Variants in ADCY7 observed in about 807,000 individuals in gnomAD.
The protein encoded by ADCY7 is adenylate cyclase type 7.
A neutral mutation model predicts 120.6 loss-of-function variants in ADCY7; 72 were observed. The ratio of observed to expected loss-of-function variants is 0.60; its 90% CI spans 0.49 to 0.73. The LOEUF (loss-of-function observed/expected upper bound fraction) is 0.73. Ranked by LOEUF, ADCY7 falls within the 30% of genes least tolerant of loss-of-function variation. The pLI, the probability that ADCY7 is intolerant of heterozygous loss-of-function variation, is 0.00. For missense variants in ADCY7, 1,227 were observed against 1,486.0 expected (o/e 0.83, Z 2.87); for synonymous variants, 661 against 628.0 (o/e 1.05, Z -0.78).
At position 50,304,339 on chromosome 16, in the gene ADCY7, C is replaced by T. The variant is rs762154964; in HGVS notation, c.1369-21C>T. 14 of 1,473,608 alleles carry T rather than the reference C, an allele frequency of 9.5e-6. No individual in the cohort carries two copies. The South Asian group carries it at 1.8e-4, about 19-fold the overall frequency. The allele number at this position is 1,473,608 out of a possible 1,614,324, so 91.3% of individuals were successfully genotyped here. ...GAGAGGGGAGGAGGTGGCACAGGCC[C>T]ATGTCCATGTCTGCCCGCAGAGCCA... On this transcript the variant is annotated intron_variant, in intron 10 of 25. Transcript: ENST00000673801.
upstream of ADCY7, among the ~76,000 whole-genome samples, chr16:50,261,997 G>T (rs889387056): frequency 8.5e-5 from 13 of 152,216 alleles, no homozygotes; most frequent in Non-Finnish European, 1.3e-4. Flanking sequence ...TGGGTGCTGG[G>T]GCTTTCCTTC....
intron 23 of ADCY7, 53 bp from the exon 24 acceptor site, chr16:50,314,239 T>G (rs2151103136): frequency 3.9e-6 from 6 of 1,542,626 alleles, no homozygotes; most frequent in South Asian, 2.2e-5. Flanking sequence ...CAGGGCCCAC[T>G]AGGTCTGGGG....
rs2151122152 is a variant in ADCY7, at chr16:50,317,929, T to C, written c.*2424T>C. Reference sequence around the variant, plus strand: ...ACAAACAAACAAACAGAAGAGAAGATCATTAACCACTGTATACTTTGTGTA... The same window carrying C: ...ACAAACAAACAAACAGAAGAGAAGACCATTAACCACTGTATACTTTGTGTA... On this transcript the variant is annotated 3_prime_UTR_variant, in exon 26 of 26. Transcript: ENST00000673801. The C allele has an allele frequency of 6.6e-6, 1 of 152,350 alleles. No homozygotes were observed. The highest frequency in any genetic ancestry group is 1.9e-4 in the East Asian group (1 of 5,316). The allele number at this position is 152,350 out of a possible 1,614,324, so 9.4% of individuals were successfully genotyped here.
At chr16:50,246,633 G>A (rs1038917647) in intron 1 of ADCY7, among the ~76,000 whole-genome samples, 2 of 152,202 alleles carry the variant, frequency 1.3e-5, no homozygotes, top group African/African-American at 4.8e-5. Flanking sequence ...CTCTGTGGGC[G>A]CAGGACCGGG....
chr16:50,314,776 G>C (rs1168312577), intron 24 of ADCY7: 2 of 519,340 alleles, frequency 3.9e-6, no homozygotes, highest in South Asian at 3.0e-5. Context: ...GAGATTAGCA[G>C]ATACAAGTGT....
At position 50,313,964 on chromosome 16, in the gene ADCY7, C is replaced by A; in HGVS notation, c.2758C>A (p.Leu920Met). Residue 920 changes from leucine to methionine, a missense_variant, in exon 23 of 26, where the codon CTG (leucine) becomes ATG (methionine). Physicochemically the swap from Leu to Met is conservative, Grantham distance 15. Around this residue, in one of 5 missense-constraint regions of ADCY7, gnomAD observed 244 missense variants for 332.8 expected, o/e 0.73. Transcript: ENST00000673801. ...EIIADFDELL[L>M]KPKFSGVEKI... The stretch of plus-strand genomic sequence containing the variant: ...GCTTCCTTCTTGCCTGCAGCTCCTA[C>A]TGAAGCCCAAGTTCAGCGGCGTGGA... 6.2e-7 allele frequency: 1 copy of A among 1,613,546 alleles called. No homozygotes were observed. Among genetic ancestry groups the A allele is most frequent in the South Asian group, 1.1e-5 (1 of 91,018 alleles).
intron 1 of ADCY7, among the ~76,000 whole-genome samples, chr16:50,260,864 C>T (rs1430570630): frequency 2.0e-5 from 3 of 152,196 alleles, no homozygotes; most frequent in Non-Finnish European, 4.4e-5. Flanking sequence ...TGAGTGGAAG[C>T]TTCTGAGATC....
rs190808623 is a variant in ADCY7 at position 50,294,894 on chromosome 16, G to A, written c.948+143G>A. ...TAGCATCCAGCCAGCAAACACAAGC[G>A]CCCCATGGTAAAGGTGGGGGTGAGT... On this transcript the variant is annotated intron_variant, in intron 7 of 25. Transcript: ENST00000673801. 46 of 614,174 alleles carry A rather than the reference G, an allele frequency of 7.5e-5. No individual in the cohort carries two copies. The East Asian group carries it at 9.6e-4, about 13-fold the overall frequency. 38.0% of individuals were successfully genotyped at this position (614,174 alleles called of 1,614,324 possible).
At position 50,293,405 on chromosome 16, in the gene ADCY7, C is replaced by A; in HGVS notation, c.739C>A (p.Leu247Met). Residue 247 changes from leucine (L) to methionine (M), a missense_variant, in exon 6 of 26, where the codon CTG (leucine) becomes ATG (methionine). Leu to Met is a conservative substitution (Grantham distance 15). Transcript: ENST00000673801. Reference sequence around the variant, plus strand: ...GGCCCACATCTCCATGGGCATGAAGCTGGCCATCATCGAACGGCTCAAGGA... The same window carrying A: ...GGCCCACATCTCCATGGGCATGAAGATGGCCATCATCGAACGGCTCAAGGA... ...LPAHISMGMKLAIIERLKEHG... is the reference protein window; with the variant it reads ...LPAHISMGMKMAIIERLKEHG... 6.2e-7 allele frequency: 1 copy of A among 1,614,036 alleles called. No individual in the cohort carries two copies. Among genetic ancestry groups the A allele is most frequent in the South Asian group, 1.1e-5 (1 of 91,088 alleles).
intron 7 of ADCY7, among the ~76,000 whole-genome samples, chr16:50,296,033 T>C (rs1215348098): frequency 1.3e-5 from 2 of 152,172 alleles, no homozygotes; most frequent in Non-Finnish European, 1.5e-5. Flanking sequence ...CCAGTGCCCA[T>C]GTCCACACCC....
At chr16:50,265,267 A>C (rs556398313), upstream of ADCY7, among the ~76,000 whole-genome samples, 5 of 152,182 alleles carry the variant, frequency 3.3e-5, no homozygotes, top group South Asian at 1.0e-3. Context: ...GCTCTGGGAC[A>C]TTTGCTAGGG....
chr16:50,250,874 G>T (rs1208103087), intron 1 of ADCY7, among the ~76,000 whole-genome samples: 1 of 152,162 alleles, frequency 6.6e-6, no homozygotes, highest in Non-Finnish European at 1.5e-5. Flanking sequence ...GGATTAAAAA[G>T]TATAGAATTC....
chr16:50,317,614 G>GATA lies in ADCY7; in HGVS notation c.*2116_*2118dup, dbSNP rs1296029883. The GATA allele has an allele frequency of 2.0e-5, 3 of 152,406 alleles. No homozygotes were observed. The East Asian group carries it at 5.6e-4, about 29-fold the overall frequency. The allele number at this position is 152,406 out of a possible 1,614,324, so 9.4% of individuals were successfully genotyped here. On this transcript the variant is annotated 3_prime_UTR_variant, in exon 26 of 26. Transcript: ENST00000673801. Reference sequence around the variant, plus strand: ...AAAGCAAAGCACTGTGCTGTGCTCAGATAATAATAGTTTGTAAGTAAAAGT... The same window carrying GATA: ...AAAGCAAAGCACTGTGCTGTGCTCAGATAATAATAATAGTTTGTAAGTAAAAGT...
intron 1 of ADCY7, among the ~76,000 whole-genome samples, chr16:50,254,876 C>T (rs931727953): frequency 4.9e-5 from 7 of 141,704 alleles, no homozygotes; most frequent in Admixed American, 1.5e-4. Context: ...CACAAAAGAC[C>T]CCAAATAGCT....
rs532118501 is a variant in ADCY7 at position 50,310,901 on chromosome 16, G to A, written c.2354+21G>A. 29 of 1,560,466 alleles carry A rather than the reference G, an allele frequency of 1.9e-5. No individual in the cohort carries two copies. In the African/African-American group the frequency reaches 2.3e-4, roughly 12 times the overall value. ...ACCAGGTGGGGTCCCGCCCGTCCCC[G>A]TCCCCATCCCCATGGTGGCCTGTTC... On this transcript the variant is annotated intron_variant, in intron 19 of 25. Transcript: ENST00000673801.
rs139027886 is a variant in ADCY7 at position 50,304,431 on chromosome 16, G to A, written c.1440G>A (p.Ala480=). 1.5e-5 allele frequency: 24 copies of A among 1,605,592 alleles called. No individual in the cohort carries two copies. Among genetic ancestry groups the A allele is most frequent in the Non-Finnish European group, 2.0e-5 (23 of 1,175,954 alleles). Residue 480 remains alanine (A), a synonymous_variant, in exon 11 of 26, where the codon GCG becomes GCA. Coordinates refer to ENST00000673801, the MANE Select transcript of ADCY7 (RefSeq NM_001114.5). ...GGGACGCGGCCCTGAAGATGCGGGC[G>A]TCAGTGCGCATGACCCGGTACCTCG... is the stretch of plus-strand genomic sequence containing the variant. ...PKGDAALKMR[A]SVRMTRYLES... is the part of the protein sequence containing the mutation.
chr16:50,305,357 CCT>C (rs1266881442), intron 12 of ADCY7, 144 bp from the exon 13 acceptor site: 2 of 759,322 alleles, frequency 2.6e-6, no homozygotes, highest in Non-Finnish European at 2.2e-6. Flanking sequence ...CCTCACTCGC[CCT>C]CTCTGGGCCT....
Position 50,304,455 on chromosome 16 carries a change from C to T in ADCY7, c.1464C>T (p.Leu488=), listed in dbSNP as rs181763906. ...CGTCAGTGCGCATGACCCGGTACCT[C>T]GAGTCCTGGGGGGCGGCACGGCCCT... is the stretch of plus-strand genomic sequence containing the variant. The part of the protein sequence containing the change: ...MRASVRMTRY[L]ESWGAARPFA... The change falls in exon 11 of 26, where the codon CTC becomes CTT. Residue 488 remains leucine (L), a synonymous_variant. Transcript: ENST00000673801. The T allele has an allele frequency of 1.9e-5, 31 of 1,609,702 alleles. No individual in the cohort carries two copies. In the African/African-American group the frequency reaches 2.3e-4, roughly 12 times the overall value.
At chr16:50,266,889 G>T (rs1242696984) in intron 1 of ADCY7, among the ~76,000 whole-genome samples, 1 of 152,162 alleles carries the variant, frequency 6.6e-6, no homozygotes, top group African/African-American at 2.4e-5. Context: ...GACCAGAGGC[G>T]ACTTGTCACT....
Sources: allele counts gnomAD v4.1 joint callset (sites outside exome capture counted in the v4.1 genomes callset), GRCh38; gene constraint gnomAD v4.1.1; regional missense constraint gnomAD v4.1.1; transcripts MANE v1.5; gene names NCBI Gene and HGNC (gene_info 2026-07-23, HGNC 2026-07-21).